Variants in CTU2 observed in about 807,000 individuals in gnomAD.
CTU2 encodes cytoplasmic tRNA 2-thiolation protein 2.
CTU2 carries 80 observed loss-of-function variants against 64.1 expected under a neutral mutation model. That is an observed-to-expected ratio of 1.25 (90% CI 1.04 to 1.50). The LOEUF is 1.50. CTU2 is among the 40% of genes most tolerant of loss of function. The probability of loss-of-function intolerance (pLI) is 0.00; values close to 1 mark genes in which losing one functional copy is unlikely to be tolerated. For synonymous variants in CTU2, 482 were observed against 285.3 expected, an observed-to-expected ratio of 1.69 and a Z score of -6.95; for missense variants, 1,110 against 690.2, an observed-to-expected ratio of 1.61 and a Z score of -6.81.
At chr16:88,713,608 G>T (rs765387109) in intron 8 of CTU2, 39 bp from the exon 9 acceptor site, 4 of 1,596,904 alleles carry the variant, frequency 2.5e-6, no homozygotes, top group Non-Finnish European at 2.6e-6. Context: ...AAGCACATTC[G>T]GGCCTTGACC....
intron 1 of CTU2, 36 bp from the exon 2 acceptor site, chr16:88,707,100 T>G: frequency 1.2e-6 from 2 of 1,601,998 alleles, no homozygotes; most frequent in Admixed American, 3.3e-5. Context: ...AGATGTGATC[T>G]GTGTTTCTCT....
At chr16:88,706,632 C>G in intron 1 of CTU2, 34 bp downstream of exon 1, 1 of 1,353,768 alleles carries the variant, frequency 7.4e-7, no homozygotes. Context: ...CCAGGCCGCC[C>G]CTCGCCTTCC....
Position 88,714,201 on chromosome 16 carries a change from C to A in CTU2, c.1071C>A (p.Phe357Leu), listed in dbSNP as rs545320542. ...EAFILRLQTQ[F>L]PSTVSTVYRT... ...TCATCCTCAGGCTGCAGACCCAGTT[C>A]CCCTCCACTGTCAGCACTGTGTACA... Residue 357 changes from phenylalanine to leucine, a missense_variant, in exon 10 of 15, where the codon TTC becomes TTA. Phe to Leu is a conservative substitution (Grantham distance 22, BLOSUM62 0). Coordinates refer to ENST00000453996, the MANE Select transcript of CTU2 (RefSeq NM_001012759.3). 2 of 1,611,132 alleles carry A rather than the reference C, an allele frequency of 1.2e-6. No homozygotes were observed. Among genetic ancestry groups the A allele is most frequent in the African/African-American group, 1.3e-5 (1 of 74,470 alleles).
rs1911697101 is a variant in CTU2 at position 88,714,410 on chromosome 16, C to T, written c.1125C>T (p.Pro375=). ...CAAGTGAGAAGCTGGTGAAGGGCCC[C>T]CGGGATGGCCCTGCTGCTGGCGACT... ...YRTSEKLVKG[P]RDGPAAGDSG... The change falls in exon 11 of 15, where the codon CCC becomes CCT. Residue 375 remains proline, a synonymous_variant. Transcript: ENST00000453996. 2 of 1,612,546 alleles carry T rather than the reference C, an allele frequency of 1.2e-6. No homozygotes were observed. The highest frequency in any genetic ancestry group is 1.7e-6 in the Non-Finnish European group (2 of 1,179,838).
At position 88,715,328 on chromosome 16, in the gene CTU2, G is replaced by A. The variant is rs1911896877; in HGVS notation, c.*77G>A. On this transcript the variant is annotated 3_prime_UTR_variant, in exon 15 of 15. Coordinates refer to ENST00000453996, the MANE Select transcript of CTU2 (RefSeq NM_001012759.3). The stretch of plus-strand genomic sequence containing the variant: ...CACTGGAGCCGGAAGGCAAGGACGG[G>A]GGACTGGCCTCTGATTGTCCATTTG... 7.0e-7 allele frequency: 1 copy of A among 1,438,700 alleles called. No homozygotes were observed. The highest frequency in any genetic ancestry group is 1.4e-5 in the African/African-American group (1 of 70,822). 89.1% of individuals were successfully genotyped at this position (1,438,700 alleles called of 1,614,324 possible). A position where few individuals can be genotyped will look rare whatever the true frequency, so the allele number is the denominator to read the frequency against.
rs1428065852 is a variant in CTU2 at position 88,714,577 on chromosome 16, CTGCT to C, written c.1202-6_1202-3del. ...AGCCCCAGGCTCCGTCACCCCCTCT[CTGCT>C]TGCAGACAGTGCCACGGCTTTTGGG... is the stretch of plus-strand genomic sequence containing the variant. On this transcript the variant is annotated splice_region_variant and splice_polypyrimidine_tract_variant and intron_variant, in intron 11 of 14. Coordinates refer to ENST00000453996, the MANE Select transcript of CTU2 (RefSeq NM_001012759.3). The C allele has an allele frequency of 3.1e-6, 5 of 1,612,702 alleles. No homozygotes were observed. In the East Asian group the frequency reaches 6.7e-5, roughly 22 times the overall value.
In CTU2 at chr16:88,711,693, A is replaced by G; in HGVS notation, c.341A>G (p.Asp114Gly). The G allele has an allele frequency of 6.2e-7, 1 of 1,608,392 alleles. No homozygotes were observed. The highest frequency in any genetic ancestry group is 8.5e-7 in the Non-Finnish European group (1 of 1,176,452). The change falls in exon 5 of 15, where the codon GAC becomes GGC. Residue 114 changes from aspartate (D) to glycine (G), a missense_variant and splice_region_variant. Physicochemically the swap from Asp to Gly is moderately conservative, Grantham distance 94. Transcript: ENST00000453996. ...TTTGTGGCAGGAGTCATCTTTGTTG[A>G]CGGTATGTGGGGCCATTGCTCCTCC... ...LRFVAGVIFV[D>G]EGAACGQSLE...
intron 4 of CTU2, 24 bp downstream of exon 4, chr16:88,710,306 C>T: frequency 6.2e-7 from 1 of 1,613,370 alleles, no homozygotes. Context: ...ACCCCGTGGG[C>T]CCGGGCTGCT....
Position 88,715,306 on chromosome 16 carries a change from T to G in CTU2, c.*55T>G. On this transcript the variant is annotated 3_prime_UTR_variant, in exon 15 of 15. Coordinates refer to ENST00000453996, the MANE Select transcript of CTU2 (RefSeq NM_001012759.3). ...GCAGTGGCCACCTGGTACACCACACTGGAGCCGGAAGGCAAGGACGGGGGA... is the reference window on the plus strand; with the variant it reads ...GCAGTGGCCACCTGGTACACCACACGGGAGCCGGAAGGCAAGGACGGGGGA... The G allele has an allele frequency of 3.2e-6, 5 of 1,574,588 alleles. No homozygotes were observed. In the South Asian group the frequency reaches 4.5e-5, roughly 14 times the overall value.
At chr16:88,709,784 G>T in intron 2 of CTU2, 154 bp from the exon 3 acceptor site, 4 of 704,352 alleles carry the variant, frequency 5.7e-6, no homozygotes, top group Admixed American at 4.6e-5. Context: ...GGCCAACCCC[G>T]CCCCTTTCAC....
Position 88,707,140 on chromosome 16 carries a change from G to A in CTU2, c.73G>A (p.Glu25Lys), listed in dbSNP as rs202134783. Reference protein sequence around the residue: ...EPPPAPRPSREQKCVKCKEAQ... With the variant: ...EPPPAPRPSRKQKCVKCKEAQ... The stretch of plus-strand genomic sequence containing the variant: ...TCCCCCCTCCCATCTCCAAAGCCGT[G>A]AGCAGAAGTGTGTGAAGTGCAAGGA... Residue 25 changes from glutamate to lysine, a missense_variant, in exon 2 of 15, where the codon GAG becomes AAG. By Grantham distance (56) the Glu-to-Lys change is moderately conservative. Coordinates refer to ENST00000453996, the MANE Select transcript of CTU2 (RefSeq NM_001012759.3). 13 of 1,613,758 alleles carry A rather than the reference G, an allele frequency of 8.1e-6. No individual in the cohort carries two copies. In the Admixed American group the frequency reaches 1.8e-4, roughly 23 times the overall value.
rs1379872938 is a variant in CTU2 at position 88,714,663 on chromosome 16, C to T, written c.1278C>T (p.Thr426=). The T allele has an allele frequency of 1.9e-6, 3 of 1,612,456 alleles. No homozygotes were observed. The highest frequency in any genetic ancestry group is 1.3e-5 in the African/African-American group (1 of 75,010). Reference sequence around the variant, plus strand: ...AGTCACCCATCCCCCTGACTGAGACCCGGACACCCCCGGGGCCCTGCTGTT... The same window carrying T: ...AGTCACCCATCCCCCTGACTGAGACTCGGACACCCCCGGGGCCCTGCTGTT... The part of the protein sequence containing the change: ...QMQSPIPLTE[T]RTPPGPCCSP... Residue 426 remains threonine, a synonymous_variant, in exon 12 of 15, where the codon ACC becomes ACT. Coordinates refer to ENST00000453996, the MANE Select transcript of CTU2 (RefSeq NM_001012759.3).
chr16:88,711,611 A>G (rs1484637206), intron 4 of CTU2, 24 bp from the exon 5 acceptor site: 1 of 1,579,164 alleles, frequency 6.3e-7, no homozygotes, highest in Non-Finnish European at 8.6e-7. Flanking sequence ...CTGGGGGCTG[A>G]GTCCCTGCTG....
intron 2 of CTU2, 80 bp downstream of exon 2, chr16:88,707,290 T>C: frequency 7.8e-7 from 1 of 1,278,822 alleles, no homozygotes; most frequent in Non-Finnish European, 1.1e-6. Flanking sequence ...TGATGCTTTG[T>C]TAATTCTTTT....
rs1438161399 is a variant in CTU2 at position 88,708,805 on chromosome 16, C to T, written c.144-1133C>T. Among the ~76,000 whole-genome samples the T allele has an allele frequency of 3.9e-5, 6 of 152,050 alleles. No individual in the cohort carries two copies. In the East Asian group the frequency reaches 5.8e-4, roughly 15 times the overall value. ...TGCAGTGGCATTGTCCGCTCTGTAC[C>T]GGGTGCTGCTCTTCACCCTGCCTGC... On this transcript the variant is annotated intron_variant, in intron 2 of 14. Transcript: ENST00000453996.
In CTU2 at chr16:88,714,966, C is replaced by T. The variant is rs367744593; in HGVS notation, c.1419+40C>T. The T allele has an allele frequency of 1.6e-4, 256 of 1,592,274 alleles. 4 individuals carry two copies. In the South Asian group the frequency reaches 1.8e-3, roughly 11 times the overall value. On this transcript the variant is annotated intron_variant, in intron 13 of 14. Transcript: ENST00000453996. ...ACCTGTCCTGGGCCGGGCTTGGGGA[C>T]GCGGGAAGGCCGTCACCTCGTGGGT...
intron 1 of CTU2, chr16:88,706,908 C>T (rs1648981527): frequency 7.0e-6 from 4 of 570,848 alleles, no homozygotes; most frequent in South Asian, 2.3e-5. Flanking sequence ...GACTGAAAAG[C>T]GGCCTTTATG....
At position 88,709,909 on chromosome 16, in the gene CTU2, G is replaced by A. The variant is rs1246335796; in HGVS notation, c.144-29G>A. On this transcript the variant is annotated intron_variant, in intron 2 of 14. Transcript: ENST00000453996. ...GCTGCTCACTGTGCGGGTAGCAGGC[G>A]GTTCCCTCATCTCAGGTCTGTGTTG... 2.5e-6 allele frequency: 4 copies of A among 1,604,386 alleles called. No homozygotes were observed. In the South Asian group the frequency reaches 3.3e-5, roughly 13 times the overall value.
At chr16:88,714,815 C>T (rs1438896848) in intron 12 of CTU2, 45 bp from the exon 13 acceptor site, 10 of 1,611,514 alleles carry the variant, frequency 6.2e-6, no homozygotes, top group African/African-American at 1.3e-5. Context: ...CACTGCACGG[C>T]ATTGAGGTGC....
Sources: allele counts gnomAD v4.1 joint callset (sites outside exome capture counted in the v4.1 genomes callset), GRCh38; gene constraint gnomAD v4.1.1; transcripts MANE v1.5; gene names NCBI Gene and HGNC (gene_info 2026-07-23, HGNC 2026-07-21).